The following PCDHGB4 variants were observed in gnomAD, a reference collection of about 807,000 sequenced individuals.
The protein encoded by PCDHGB4 is protocadherin gamma subfamily B, 4, also known as protocadherin gamma-B4.
A neutral mutation model predicts 60.5 loss-of-function variants in PCDHGB4; 38 were observed. That is an observed-to-expected ratio of 0.63 (90% CI 0.48 to 0.82). The LOEUF (loss-of-function observed/expected upper bound fraction) is 0.82, where lower values mean the gene tolerates loss of function less well. Among genes scored for constraint, PCDHGB4 ranks in the 40% least tolerant of loss-of-function variants. The pLI is 0.00. For synonymous variants in PCDHGB4, 456 were observed against 509.7 expected (o/e 0.89, Z 1.42); for missense variants, 1,109 against 1,209.6 (o/e 0.92, Z 1.23).
rs143362044 is a variant in PCDHGB4, at chr5:141,511,092, C to T, written c.2691C>T (p.Asn897=). The T allele has an allele frequency of 4.5e-5, 73 of 1,614,088 alleles. No homozygotes were observed. Among genetic ancestry groups the T allele is most frequent in the Admixed American group, 1.5e-4 (9 of 60,012 alleles). ...YIPGSNATLT[N]AAGKRDGKAP... is the part of the protein sequence containing the mutation. ...CAGGCAGCAATGCCACACTGACCAA[C>T]GCAGCTGGCAAGCGGGATGGCAAGG... The change falls in exon 4 of 4, where the codon AAC becomes AAT. Residue 897 remains asparagine, a synonymous_variant. Coordinates refer to ENST00000519479, the MANE Select transcript of PCDHGB4 (RefSeq NM_003736.4).
chr5:141,455,660 G>A (rs1485792613), intron 1 of PCDHGB4, among the ~76,000 whole-genome samples: 1 of 152,134 alleles, frequency 6.6e-6, no homozygotes, highest in Non-Finnish European at 1.5e-5. Flanking sequence ...CCAGGAACTT[G>A]TGGGGCAAGG....
rs1436956912 is a variant in PCDHGB4, at chr5:141,438,609, TATATATATATATATATATATATATATAC to T, written c.2397+48330_2397+48357del. Reference sequence around the variant, plus strand: ...ATACATACATATATATATATATATATATATATATATATATATATATATATATACACACACACACACACATATATGTATA... The same window carrying T: ...ATACATACATATATATATATATATATACACACACACACACATATATGTATA... On this transcript the variant is annotated intron_variant, in intron 1 of 3. Coordinates refer to ENST00000519479, the MANE Select transcript of PCDHGB4 (RefSeq NM_003736.4). Among the ~76,000 whole-genome samples the T allele has an allele frequency of 2.2e-3, 92 of 41,082 alleles. 2 individuals are homozygous for T. Among genetic ancestry groups the T allele is most frequent in the East Asian group, 7.4e-3 (6 of 810 alleles). The allele number at this position is 41,082 out of a possible 152,430, so 27.0% of individuals were successfully genotyped here.
At chr5:141,419,757 G>A (rs1468216226) in intron 1 of PCDHGB4, 5 of 1,613,876 alleles carry the variant, frequency 3.1e-6, no homozygotes, top group African/African-American at 1.3e-5. Flanking sequence ...CGTGCTTTGG[G>A]TGACAAGGAC....
intron 1 of PCDHGB4, chr5:141,394,825 T>G: frequency 6.2e-7 from 1 of 1,613,802 alleles, no homozygotes; most frequent in Non-Finnish European, 8.5e-7. Flanking sequence ...ATCCCCGAAG[T>G]CCTGACCGAG....
intron 1 of PCDHGB4, among the ~76,000 whole-genome samples, chr5:141,463,239 C>G (rs1012919667): frequency 1.3e-5 from 2 of 151,950 alleles, no homozygotes; most frequent in African/African-American, 4.8e-5. Context: ...CTTTGTGTAG[C>G]TCCATTCTCT....
chr5:141,465,627 A>C lies in PCDHGB4; in HGVS notation c.2398-29180A>C, dbSNP rs370355596. 1.1e-4 allele frequency among the ~76,000 whole-genome samples: 17 copies of C among 152,326 alleles called. 1 individual carries two copies. The South Asian group carries it at 3.3e-3, about 30-fold the overall frequency. On this transcript the variant is annotated intron_variant, in intron 1 of 3. Coordinates refer to ENST00000519479, the MANE Select transcript of PCDHGB4 (RefSeq NM_003736.4). ...TCTTTGGCCCTCCAGGAAGTCAACCAGCAAAATGCTTTGAACATCCCAAAA... is the reference window on the plus strand; with the variant it reads ...TCTTTGGCCCTCCAGGAAGTCAACCCGCAAAATGCTTTGAACATCCCAAAA...
intron 1 of PCDHGB4, chr5:141,416,401 T>C (rs2096020867): frequency 6.6e-6 from 1 of 152,204 alleles, no homozygotes; most frequent in African/African-American, 2.4e-5. Context: ...TGCTTTTGTC[T>C]TTTTTGTTAA....
intron 1 of PCDHGB4, chr5:141,420,995 C>T (rs1448491394): frequency 2.0e-6 from 1 of 503,150 alleles, no homozygotes; most frequent in East Asian, 3.3e-5. Flanking sequence ...CGCCGCTGCT[C>T]ACCAATCAGG....
intron 1 of PCDHGB4, among the ~76,000 whole-genome samples, chr5:141,406,577 A>T (rs558329088): frequency 6.6e-6 from 1 of 152,274 alleles, no homozygotes; most frequent in South Asian, 2.1e-4. Context: ...TAGTAAACCA[A>T]TTTTTTCCCT....
chr5:141,401,516 T>G (rs375937507), intron 1 of PCDHGB4, among the ~76,000 whole-genome samples: 3 of 152,320 alleles, frequency 2.0e-5, no homozygotes, highest in South Asian at 2.1e-4. Context: ...CTCTATATAA[T>G]TACCAGAAGA....
chr5:141,475,616 G>A (rs2099366026), intron 1 of PCDHGB4, among the ~76,000 whole-genome samples: 1 of 152,206 alleles, frequency 6.6e-6, no homozygotes, highest in Admixed American at 6.5e-5. Flanking sequence ...GTAGTTTTCG[G>A]TTTGGTTCGA....
chr5:141,425,243 G>T (rs2096863760), intron 1 of PCDHGB4, among the ~76,000 whole-genome samples: 1 of 152,132 alleles, frequency 6.6e-6, no homozygotes, highest in Non-Finnish European at 1.5e-5. Flanking sequence ...AAATAAAAAG[G>T]ATATGAGGTA....
chr5:141,404,572 A>G (rs755182149), intron 1 of PCDHGB4: 79 of 1,613,728 alleles, frequency 4.9e-5, no homozygotes, highest in Non-Finnish European at 6.0e-5. Context: ...GTGGAAGCCC[A>G]CCACTTAGCA....
In PCDHGB4 at chr5:141,489,594, TGTAGAG is replaced by T. The variant is rs1298302866; in HGVS notation, c.2398-5206_2398-5201del. 1 of 1,613,958 alleles carries T rather than the reference TGTAGAG, an allele frequency of 6.2e-7. No homozygotes were observed. The highest frequency in any genetic ancestry group is 1.3e-5 in the African/African-American group (1 of 74,906). ...CTGAACACCCCCTGGAGCTAATCCG[TGTAGAG>T]GTAGAGATCCTGGATCTCAATGACA... On this transcript the variant is annotated intron_variant, in intron 1 of 3. Coordinates refer to ENST00000519479, the MANE Select transcript of PCDHGB4 (RefSeq NM_003736.4). The surrounding 1 kb of genome is among the most constrained non-coding windows in gnomAD (Gnocchi z 4.5).
At chr5:141,502,024 C>G (rs2099812413) in intron 2 of PCDHGB4, among the ~76,000 whole-genome samples, 1 of 152,152 alleles carries the variant, frequency 6.6e-6, no homozygotes, top group African/African-American at 2.4e-5. Context: ...TCCCTGCAAC[C>G]CCCGCCGCTT....
At position 141,512,644 on chromosome 5, in the gene PCDHGB4, G is replaced by T. The variant is rs1283774989; in HGVS notation, c.*1471G>T. Reference sequence around the variant, plus strand: ...ACCCCAGACCTGCCCTTACAGTAGTGTAGCGCCCCCTCCCTCTTTCGGCTG... The same window carrying T: ...ACCCCAGACCTGCCCTTACAGTAGTTTAGCGCCCCCTCCCTCTTTCGGCTG... On this transcript the variant is annotated 3_prime_UTR_variant, in exon 4 of 4. Coordinates refer to ENST00000519479, the MANE Select transcript of PCDHGB4 (RefSeq NM_003736.4). 1 of 152,528 alleles carries T rather than the reference G, an allele frequency of 6.6e-6. No individual in the cohort carries two copies. The allele number at this position is 152,528 out of a possible 1,614,324, so 9.4% of individuals were successfully genotyped here.
intron 1 of PCDHGB4, chr5:141,409,280 T>C (rs1277414418): frequency 6.2e-7 from 1 of 1,613,904 alleles, no homozygotes; most frequent in Non-Finnish European, 8.5e-7. Context: ...TTTGGAGAAT[T>C]CACCTCCAGG....
At chr5:141,404,917 G>C in intron 1 of PCDHGB4, 1 of 1,613,772 alleles carries the variant, frequency 6.2e-7, no homozygotes, top group Non-Finnish European at 8.5e-7. Flanking sequence ...CCCCTCTCTC[G>C]GCCACTGTCA....
intron 1 of PCDHGB4, chr5:141,399,373 G>A: frequency 6.2e-7 from 1 of 1,613,982 alleles, no homozygotes; most frequent in Non-Finnish European, 8.5e-7. Flanking sequence ...GGAGTACAAT[G>A]TCACCATCAC....
Sources: allele counts gnomAD v4.1 joint callset (sites outside exome capture counted in the v4.1 genomes callset), GRCh38; gene constraint gnomAD v4.1.1; non-coding constraint Gnocchi (gnomAD v3.1); transcripts MANE v1.5; gene names NCBI Gene and HGNC (gene_info 2026-07-23, HGNC 2026-07-21).